Variants in CBR4 observed in about 807,000 individuals in gnomAD.
CBR4 encodes carbonyl reductase 4.
In CBR4, 22 loss-of-function variants were observed where a neutral mutation model predicts 21.0. That is an observed-to-expected ratio of 1.05 (90% CI 0.75 to 1.50). The LOEUF is 1.50. CBR4 is among the 40% of genes most tolerant of loss of function. The pLI, the probability that CBR4 is intolerant of heterozygous loss-of-function variation, is 0.00. For missense variants in CBR4, 302 were observed against 286.3 expected (o/e 1.05, Z -0.40); for synonymous variants, 100 against 104.4 (o/e 0.96, Z 0.26).
At chr4:168,927,601 TCAAAGA>T (rs1430524858) in intron 2 of CBR4, 1 of 229,016 alleles carries the variant, frequency 4.4e-6, no homozygotes, top group Non-Finnish European at 8.7e-6. Context: ...AAGTATTTTT[TCAAAGA>T]CACCAAGATG....
At chr4:168,985,676 T>C (rs1218714869), downstream of CBR4, among the ~76,000 whole-genome samples, 1 of 152,138 alleles carries the variant, frequency 6.6e-6, no homozygotes, top group Non-Finnish European at 1.5e-5. Context: ...GTGGTACATA[T>C]GCACCATGGA....
chr4:168,929,519 T>C (rs910281086), intron 2 of CBR4, among the ~76,000 whole-genome samples: 3 of 152,208 alleles, frequency 2.0e-5, no homozygotes, highest in African/African-American at 7.2e-5. Flanking sequence ...TGAACATGCA[T>C]AACATGACAA....
intron 2 of CBR4, chr4:168,898,805 C>G (rs1249938085): frequency 2.4e-6 from 2 of 835,328 alleles, no homozygotes; most frequent in African/African-American, 3.4e-5. Flanking sequence ...GAAAGAGATA[C>G]AAATGATCTT....
At position 169,010,195 on chromosome 4, in the gene CBR4, A is replaced by G. The variant is rs528754595; in HGVS notation, c.-106T>C. The G allele has an allele frequency of 2.1e-4, 237 of 1,103,080 alleles. 1 individual carries two copies. The East Asian group carries it at 3.4e-3, about 16-fold the overall frequency. The allele number at this position is 1,103,080 out of a possible 1,614,324, so 68.3% of individuals were successfully genotyped here. On this transcript the variant is annotated 5_prime_UTR_variant, in exon 1 of 5. Coordinates refer to ENST00000306193, the MANE Select transcript of CBR4 (RefSeq NM_032783.5). ...GGTTCCAAAAAAAAAAAAAAGAAAA[A>G]AAAAGGCAAACCGCAAAAAAAAATA...
At chr4:168,907,312 G>A (rs142098425) in intron 2 of CBR4, among the ~76,000 whole-genome samples, 4 of 152,278 alleles carry the variant, frequency 2.6e-5, no homozygotes, top group African/African-American at 9.6e-5. Context: ...GATCAGTTCT[G>A]TGTCTAGGTA....
intron 4 of CBR4, among the ~76,000 whole-genome samples, chr4:168,994,300 G>A (rs1036930427): frequency 6.6e-6 from 1 of 152,228 alleles, no homozygotes; most frequent in Non-Finnish European, 1.5e-5. Context: ...GTTCAGGAAC[G>A]CCTTTAAGCG....
rs939469986 is a variant in CBR4 at position 168,969,921 on chromosome 4, AATTGAT to A, written n.169+32144_169+32149del. ...TGTTGGAGAAGGCCTGCCCTATATCAATTGATATTATCAGACTTATTAATTTTTGCC... is the reference window on the plus strand; with the variant it reads ...TGTTGGAGAAGGCCTGCCCTATATCAATTATCAGACTTATTAATTTTTGCC... On this transcript the variant is annotated intron_variant and non_coding_transcript_variant, in intron 2 of 3. Transcript: ENST00000509108. Among the ~76,000 whole-genome samples, 146 of 152,338 alleles carry A rather than the reference AATTGAT, an allele frequency of 9.6e-4. 1 individual carries two copies. Among genetic ancestry groups the A allele is most frequent in the African/African-American group, 3.4e-3 (141 of 41,572 alleles).
chr4:168,961,687 C>T lies in CBR4; in HGVS notation n.169+40384G>A, dbSNP rs1349334452. On this transcript the variant is annotated intron_variant and non_coding_transcript_variant, in intron 2 of 3. Coordinates refer to the CBR4 transcript ENST00000509108. ...GGTGGGTCACCTGAGGTCAGGAGTT[C>T]GCGACCAGCCAGGCCAACATGGTGA... Among the ~76,000 whole-genome samples the T allele has an allele frequency of 3.9e-5, 6 of 152,168 alleles. 1 individual carries two copies. The highest frequency in any genetic ancestry group is 1.4e-4 in the African/African-American group (6 of 41,526).
Position 168,995,599 on chromosome 4 carries a change from C to G in CBR4, c.536-5271G>C, listed in dbSNP as rs114944998. 7.7e-3 allele frequency among the ~76,000 whole-genome samples: 669 copies of G among 86,544 alleles called. 7 individuals are homozygous for G. The highest frequency in any genetic ancestry group is 0.019 in the African/African-American group (637 of 33,280). 56.8% of individuals were successfully genotyped at this position (86,544 alleles called of 152,430 possible). A position where few individuals can be genotyped will look rare whatever the true frequency, so the allele number is the denominator to read the frequency against. ...TCTCTCCTTGGCCCCAAAGGACTCT[C>G]CCCCATATCATCCTTTCATTTCATT... On this transcript the variant is annotated intron_variant, in intron 4 of 4. Transcript: ENST00000306193.
chr4:169,006,474 T>C (rs921001541), intron 3 of CBR4, among the ~76,000 whole-genome samples: 9 of 152,222 alleles, frequency 5.9e-5, no homozygotes, highest in East Asian at 5.8e-4. Context: ...CACCATTCCA[T>C]ATGGGCTCTG....
chr4:168,895,529 TAAAG>T (rs990964492), intron 2 of CBR4, among the ~76,000 whole-genome samples: 23 of 152,234 alleles, frequency 1.5e-4, no homozygotes, highest in African/African-American at 5.3e-4. Context: ...ACTGTAGTCT[TAAAG>T]TAAGCTAGAG....
At chr4:168,966,310 A>G (rs9994219) in intron 2 of CBR4, among the ~76,000 whole-genome samples, 99,725 of 145,310 alleles carry the variant, frequency 0.69, 35,522 homozygotes, top group East Asian at 0.95. Context: ...TCAGGAGATC[A>G]AGACCATCCT....
rs567095866 is a variant in CBR4 at position 168,918,190 on chromosome 4, C to CA, written n.170-23426dup. 9.0e-3 allele frequency among the ~76,000 whole-genome samples: 1,062 copies of CA among 117,984 alleles called. 9 individuals carry two copies. The highest frequency in any genetic ancestry group is 9.6e-3 in the South Asian group (36 of 3,736). The allele number at this position is 117,984 out of a possible 152,430, so 77.4% of individuals were successfully genotyped here. A position where few individuals can be genotyped will look rare whatever the true frequency, so the allele number is the denominator to read the frequency against. The stretch of plus-strand genomic sequence containing the variant: ...AGAACAAGACTCCCCGTCTCCCCCA[C>CA]AAAAAAAAAAAAAGAAAAGAAAATG... On this transcript the variant is annotated intron_variant and non_coding_transcript_variant, in intron 2 of 3. Coordinates refer to the CBR4 transcript ENST00000509108.
At chr4:168,974,519 T>A (rs1764310875) in intron 2 of CBR4, among the ~76,000 whole-genome samples, 1 of 152,188 alleles carries the variant, frequency 6.6e-6, no homozygotes. Context: ...ACTTTTAGAT[T>A]TCTCTTATTC....
chr4:168,950,803 C>A (rs370349559), intron 2 of CBR4, among the ~76,000 whole-genome samples: 4 of 152,118 alleles, frequency 2.6e-5, no homozygotes, highest in African/African-American at 9.7e-5. Flanking sequence ...GGACTGTGAT[C>A]TTTTCCTGTA....
chr4:168,967,344 C>T (rs1363102751), intron 2 of CBR4, among the ~76,000 whole-genome samples: 3 of 151,202 alleles, frequency 2.0e-5, no homozygotes, highest in South Asian at 2.1e-4. Flanking sequence ...CATTACACAT[C>T]GGGGCCTGTC....
Position 168,988,336 on chromosome 4 carries a change from A to G in CBR4, c.*1814T>C. The G allele has an allele frequency of 1.0e-6, 1 of 985,356 alleles. No homozygotes were observed. Among genetic ancestry groups the G allele is most frequent in the Non-Finnish European group, 1.2e-6 (1 of 829,844 alleles). 61.0% of individuals were successfully genotyped at this position (985,356 alleles called of 1,614,324 possible). ...TTTTAAAGTATAAAAACATACACTT[A>G]AAGGCTAAACCTATCTATAACCTAC... is the stretch of plus-strand genomic sequence containing the variant. On this transcript the variant is annotated 3_prime_UTR_variant, in exon 5 of 5. Coordinates refer to ENST00000306193, the MANE Select transcript of CBR4 (RefSeq NM_032783.5).
intron 2 of CBR4, among the ~76,000 whole-genome samples, chr4:168,946,864 A>G (rs566168983): frequency 1.9e-4 from 29 of 152,320 alleles, no homozygotes; most frequent in Middle Eastern, 6.8e-3. Context: ...GCAGTTAAAA[A>G]GTCTGTCCAC....
downstream of CBR4, among the ~76,000 whole-genome samples, chr4:168,985,256 A>C (rs910863405): frequency 6.6e-6 from 1 of 152,184 alleles, no homozygotes; most frequent in South Asian, 2.1e-4. Flanking sequence ...TCTCAAAAGA[A>C]GACATACGTG....
Sources: allele counts gnomAD v4.1 joint callset (sites outside exome capture counted in the v4.1 genomes callset), GRCh38; gene constraint gnomAD v4.1.1; transcripts MANE v1.5; gene names NCBI Gene and HGNC (gene_info 2026-07-23, HGNC 2026-07-21).